Variants in CACNB4 observed in about 807,000 individuals in gnomAD.
CACNB4 encodes the protein voltage-dependent L-type calcium channel subunit beta-4.
In CACNB4, 32 loss-of-function variants were observed where a neutral mutation model predicts 71.2. The ratio of observed to expected loss-of-function variants is 0.45; its 90% CI spans 0.34 to 0.60. CACNB4 has a LOEUF of 0.60. Among genes scored for constraint, CACNB4 ranks in the 20% least tolerant of loss-of-function variants. CACNB4 has a pLI of 0.01. For missense variants in CACNB4, 464 were observed against 647.9 expected (o/e 0.72, Z 3.08); for synonymous variants, 231 against 236.9 (o/e 0.97, Z 0.23).
chr2:151,988,516 T>C (rs74265947), intron 2 of CACNB4, among the ~76,000 whole-genome samples: 15,606 of 152,142 alleles, frequency 0.1, 1,108 homozygotes, highest in East Asian at 0.27. Context: ...AATACTGCTG[T>C]TTTAGTTAGC....
rs1016384022 is a variant in CACNB4, at chr2:152,017,447, C to T, written c.147+80883G>A. Among the ~76,000 whole-genome samples the T allele has an allele frequency of 4.6e-5, 7 of 151,472 alleles. No homozygotes were observed. The South Asian group carries it at 8.3e-4, about 18-fold the overall frequency. ...GATGGGCCGGGCGCGGTGGCTCACG[C>T]CTGTAATCCCAGCATTTTGGGAGGC... On this transcript the variant is annotated intron_variant, in intron 2 of 13. Transcript: ENST00000539935.
chr2:151,863,621 C>T (rs534783545), intron 9 of CACNB4, among the ~76,000 whole-genome samples: 2 of 152,222 alleles, frequency 1.3e-5, no homozygotes, highest in African/African-American at 4.8e-5. Flanking sequence ...AAACAAGAGA[C>T]TCTTGGTTCT....
At chr2:151,982,331 C>T (rs2099874858) in intron 2 of CACNB4, among the ~76,000 whole-genome samples, 1 of 152,084 alleles carries the variant, frequency 6.6e-6, no homozygotes, top group African/African-American at 2.4e-5. Context: ...ACATTACACC[C>T]TTAAAAAGAT....
intron 12 of CACNB4, among the ~76,000 whole-genome samples, chr2:151,843,303 T>C (rs1022294507): frequency 1.3e-5 from 2 of 152,168 alleles, no homozygotes; most frequent in Admixed American, 6.5e-5. Context: ...TGTTAGCACA[T>C]CTCAACTTTC....
intron 2 of CACNB4, among the ~76,000 whole-genome samples, chr2:152,072,679 C>T (rs1304529949): frequency 2.0e-5 from 3 of 151,016 alleles, no homozygotes; most frequent in Admixed American, 6.6e-5. Flanking sequence ...CTTGTTCTGT[C>T]GTCCAGGTTG....
chr2:151,902,032 C>CTTTT (rs70974804), intron 2 of CACNB4, among the ~76,000 whole-genome samples: 12 of 130,222 alleles, frequency 9.2e-5, no homozygotes, highest in African/African-American at 1.6e-4. Context: ...ACAACATCAC[C>CTTTT]TTTTTTTTTT....
intron 2 of CACNB4, among the ~76,000 whole-genome samples, chr2:151,955,943 G>A (rs1193011767): frequency 6.6e-6 from 1 of 151,864 alleles, no homozygotes; most frequent in African/African-American, 2.4e-5. Flanking sequence ...ATTAGACTTT[G>A]AGCAATTCAA....
chr2:152,033,440 C>A (rs1034210294), intron 2 of CACNB4, among the ~76,000 whole-genome samples: 3 of 152,118 alleles, frequency 2.0e-5, no homozygotes, highest in African/African-American at 7.2e-5. Flanking sequence ...GCTTAGATAC[C>A]CTTGTAGTTC....
intron 8 of CACNB4, 44 bp downstream of exon 8, chr2:151,870,486 TG>T (rs2099844349): frequency 5.3e-6 from 8 of 1,497,152 alleles, no homozygotes; most frequent in Non-Finnish European, 7.4e-6. Flanking sequence ...GACTGTCTCC[TG>T]GGTGCTCGAT....
At chr2:151,952,105 G>A (rs2099867050) in intron 2 of CACNB4, among the ~76,000 whole-genome samples, 1 of 152,026 alleles carries the variant, frequency 6.6e-6, no homozygotes, top group African/African-American at 2.4e-5. Context: ...ACCATCTAGG[G>A]TATTCAGAAT....
At chr2:152,063,520 G>A (rs1686131509) in intron 2 of CACNB4, among the ~76,000 whole-genome samples, 1 of 152,166 alleles carries the variant, frequency 6.6e-6, no homozygotes, top group Non-Finnish European at 1.5e-5. Context: ...GCCAGCTCCA[G>A]CCTGTGCATG....
intron 2 of CACNB4, among the ~76,000 whole-genome samples, chr2:152,060,369 C>T (rs1052490843): frequency 6.6e-6 from 1 of 152,140 alleles, no homozygotes; most frequent in Non-Finnish European, 1.5e-5. Flanking sequence ...CACAGGAGAA[C>T]CACTGCTGAG....
rs1161814242 is a variant in CACNB4 at position 151,876,560 on chromosome 2, G to A, written c.391-4C>T. ...TCCACCAATCATTGTTATATTTCTG[G>A]AATTCAGAAATAAAATTGCTATCAA... On this transcript the variant is annotated splice_region_variant and splice_polypyrimidine_tract_variant and intron_variant, in intron 4 of 13. Transcript: ENST00000539935. 1 of 1,496,690 alleles carries A rather than the reference G, an allele frequency of 6.7e-7. No homozygotes were observed. The highest frequency in any genetic ancestry group is 1.6e-5 in the African/African-American group (1 of 63,332). The allele number at this position is 1,496,690 out of a possible 1,614,324, so 92.7% of individuals were successfully genotyped here.
At chr2:152,061,642 A>G (rs1039485285) in intron 2 of CACNB4, among the ~76,000 whole-genome samples, 2 of 60,610 alleles carry the variant, frequency 3.3e-5, no homozygotes, top group Non-Finnish European at 5.3e-5. Context: ...TTCTCAAAGC[A>G]AAAAAAAAAA....
intron 2 of CACNB4, among the ~76,000 whole-genome samples, chr2:151,913,416 C>T (rs965989205): frequency 2.0e-5 from 3 of 152,070 alleles, no homozygotes; most frequent in African/African-American, 4.8e-5. Context: ...ATTTCTCCTT[C>T]ACTTATGAAC....
intron 2 of CACNB4, among the ~76,000 whole-genome samples, chr2:151,957,232 A>AG (rs1434407995): frequency 8.8e-5 from 12 of 136,724 alleles, no homozygotes; most frequent in African/African-American, 2.6e-4. Context: ...ATTTTTTCAA[A>AG]GAAAAAAAAA....
At chr2:152,043,840 A>C (rs189918436) in intron 2 of CACNB4, among the ~76,000 whole-genome samples, 10 of 152,292 alleles carry the variant, frequency 6.6e-5, no homozygotes, top group African/African-American at 1.7e-4. Flanking sequence ...TCAAATGTTA[A>C]ACTGTTAAAT....
intron 2 of CACNB4, among the ~76,000 whole-genome samples, chr2:152,079,657 G>A (rs1443177638): frequency 6.6e-6 from 1 of 151,984 alleles, no homozygotes; most frequent in African/African-American, 2.4e-5. Context: ...GCAGTGGTGT[G>A]TGCCTATAGT....
chr2:151,907,085 T>C (rs1037464496), intron 2 of CACNB4, among the ~76,000 whole-genome samples: 1 of 152,076 alleles, frequency 6.6e-6, no homozygotes, highest in Non-Finnish European at 1.5e-5. Flanking sequence ...TGAGTTAAAC[T>C]CAGTACCTAG....
Sources: allele counts gnomAD v4.1 joint callset (sites outside exome capture counted in the v4.1 genomes callset), GRCh38; gene constraint gnomAD v4.1.1; transcripts MANE v1.5; gene names NCBI Gene and HGNC (gene_info 2026-07-23, HGNC 2026-07-21).